REV1: variants seen among roughly 807,000 people sequenced by gnomAD.
The protein encoded by REV1 is REV1 DNA directed polymerase.
REV1 carries 42 observed loss-of-function variants against 137.4 expected under a neutral mutation model. The observed-to-expected ratio is 0.31, with a 90% CI of 0.24 to 0.40. The LOEUF (loss-of-function observed/expected upper bound fraction) is 0.40. Among genes scored for constraint, REV1 ranks in the 10% least tolerant of loss-of-function variants. The probability of loss-of-function intolerance (pLI) is 1.00; values close to 1 mark genes in which losing one functional copy is unlikely to be tolerated. For missense variants in REV1, 1,282 were observed against 1,490.1 expected (o/e 0.86, Z 2.30); for synonymous variants, 524 against 519.2 (o/e 1.01, Z -0.12).
At chr2:99,456,386 G>C (rs1277277590) in intron 3 of REV1, among the ~76,000 whole-genome samples, 1 of 152,174 alleles carries the variant, frequency 6.6e-6, no homozygotes, top group Admixed American at 6.5e-5. Context: ...CATTTTAGGT[G>C]CAAATAAATG....
chr2:99,431,748 A>T, intron 8 of REV1: 1 of 985,458 alleles, frequency 1.0e-6, no homozygotes, highest in Middle Eastern at 5.2e-4. Flanking sequence ...GACCTGTTCC[A>T]CAGTGCAGCA....
At chr2:99,452,152 C>T (rs1396405623) in intron 3 of REV1, among the ~76,000 whole-genome samples, 1 of 152,066 alleles carries the variant, frequency 6.6e-6, no homozygotes, top group Non-Finnish European at 1.5e-5. Context: ...GAGCCAAGCA[C>T]AGTGGCTCAC....
At chr2:99,403,603 G>A in intron 19 of REV1, 92 bp downstream of exon 19, 4 of 1,535,260 alleles carry the variant, frequency 2.6e-6, no homozygotes, top group Non-Finnish European at 3.6e-6. Context: ...CAACAGCTTA[G>A]ACTTTGCCCA....
chr2:99,450,285 T>A (rs112177512), intron 3 of REV1, among the ~76,000 whole-genome samples: 3 of 152,282 alleles, frequency 2.0e-5, no homozygotes, highest in African/African-American at 7.2e-5. Flanking sequence ...TGCTTCCCCC[T>A]AAGAAGAAAT....
At chr2:99,430,161 A>C (rs1445312258) in intron 8 of REV1, among the ~76,000 whole-genome samples, 5 of 152,120 alleles carry the variant, frequency 3.3e-5, no homozygotes, top group Non-Finnish European at 2.9e-5. Flanking sequence ...AAAACTTATA[A>C]TAAATTCAAA....
intron 2 of REV1, 166 bp from the exon 3 acceptor site, chr2:99,462,788 A>C: frequency 1.5e-6 from 1 of 673,012 alleles, no homozygotes; most frequent in Non-Finnish European, 2.4e-6. Context: ...CAAGGCAATA[A>C]ATAAAACAGG....
Position 99,484,702 on chromosome 2 carries a change from A to C in REV1, c.-11+5115T>G, listed in dbSNP as rs183466370. Among the ~76,000 whole-genome samples the C allele has an allele frequency of 2.5e-3, 387 of 152,228 alleles. 2 individuals carry two copies. The highest frequency in any genetic ancestry group is 8.5e-3 in the African/African-American group (353 of 41,508). On this transcript the variant is annotated intron_variant, in intron 1 of 22. Transcript: ENST00000258428. ...AGTAGTAGTTAAATCTAAAAAAAAAACAAAAAATTAGCCATAAATAATGAT... is the reference window on the plus strand; with the variant it reads ...AGTAGTAGTTAAATCTAAAAAAAAACCAAAAAATTAGCCATAAATAATGAT...
chr2:99,458,436 T>C (rs909957372), intron 3 of REV1, among the ~76,000 whole-genome samples: 2 of 152,206 alleles, frequency 1.3e-5, no homozygotes, highest in African/African-American at 2.4e-5. Flanking sequence ...AACCACTGAA[T>C]GCTGGCAAGG....
intron 19 of REV1, 99 bp downstream of exon 19, chr2:99,403,596 C>T: frequency 1.4e-6 from 2 of 1,472,866 alleles, no homozygotes; most frequent in Middle Eastern, 1.7e-4. Flanking sequence ...CTTAATGCAA[C>T]AGCTTAGACT....
chr2:99,458,175 T>C lies in REV1; in HGVS notation c.181+4321A>G, dbSNP rs999616720. On this transcript the variant is annotated intron_variant, in intron 3 of 22. Coordinates refer to ENST00000258428, the MANE Select transcript of REV1 (RefSeq NM_016316.4). The stretch of plus-strand genomic sequence containing the variant: ...TGAAAAACTACAGACTGGGAGAAAA[T>C]ACCTGCAAACCACTTTTATGACAAA... 3.3e-5 allele frequency among the ~76,000 whole-genome samples: 5 copies of C among 152,034 alleles called. No homozygotes were observed. The Middle Eastern group carries it at 9.5e-3, about 289-fold the overall frequency.
At chr2:99,476,328 C>T (rs894639099) in intron 1 of REV1, among the ~76,000 whole-genome samples, 1 of 151,992 alleles carries the variant, frequency 6.6e-6, no homozygotes, top group Non-Finnish European at 1.5e-5. Flanking sequence ...GAGGCTGAGG[C>T]GGGCAGATCA....
chr2:99,436,300 C>T (rs913678340), intron 6 of REV1, among the ~76,000 whole-genome samples: 1 of 152,144 alleles, frequency 6.6e-6, no homozygotes, highest in African/African-American at 2.4e-5. Context: ...ATAAAAGTGA[C>T]TACTATTATC....
At chr2:99,487,251 G>T (rs1687249782) in intron 1 of REV1, among the ~76,000 whole-genome samples, 1 of 125,280 alleles carries the variant, frequency 8.0e-6, no homozygotes, top group Admixed American at 9.6e-5. Flanking sequence ...GCCAAATCAT[G>T]CTATGCCCTG....
intron 13 of REV1, 145 bp from the exon 14 acceptor site, chr2:99,411,012 C>T (rs955923744): frequency 3.0e-6 from 2 of 671,400 alleles, no homozygotes; most frequent in Non-Finnish European, 4.6e-6. Context: ...CGTGGCCAGG[C>T]GCGGTGGCTC....
intron 12 of REV1, 93 bp downstream of exon 12, chr2:99,418,735 T>C: frequency 1.7e-6 from 2 of 1,210,860 alleles, no homozygotes; most frequent in Non-Finnish European, 2.3e-6. Context: ...TATTCATGTC[T>C]GGGCAAAAAG....
At chr2:99,403,285 CTCTT>C in intron 19 of REV1, 179 bp from the exon 20 acceptor site, 1 of 608,118 alleles carries the variant, frequency 1.6e-6, no homozygotes, top group Non-Finnish European at 2.8e-6. Context: ...CTCCAATTCT[CTCTT>C]TGCTTTGCCA....
intron 3 of REV1, among the ~76,000 whole-genome samples, chr2:99,457,687 GAA>G (rs371360329): frequency 3.5e-5 from 4 of 115,372 alleles, no homozygotes; most frequent in Non-Finnish European, 5.7e-5. Flanking sequence ...CCTGTCTCAA[GAA>G]AAAAAAAAAA....
Position 99,402,600 on chromosome 2 carries a change from G to A in REV1, c.3541+44C>T, listed in dbSNP as rs1055315684. On this transcript the variant is annotated intron_variant, in intron 21 of 22. Coordinates refer to ENST00000258428, the MANE Select transcript of REV1 (RefSeq NM_016316.4). The stretch of plus-strand genomic sequence containing the variant: ...TGTTTATGTTCTCAAATCATGAGAC[G>A]ACTACATCTCAGCCTTGGGCCATCT... 1.5e-5 allele frequency: 23 copies of A among 1,558,684 alleles called. No homozygotes were observed. In the African/African-American group the frequency reaches 1.6e-4, roughly 11 times the overall value.
chr2:99,459,873 GT>G (rs1186020162), intron 3 of REV1, among the ~76,000 whole-genome samples: 2 of 152,164 alleles, frequency 1.3e-5, no homozygotes. Context: ...GGGTTGGAAG[GT>G]ATAGGGACTA....
Sources: allele counts gnomAD v4.1 joint callset (sites outside exome capture counted in the v4.1 genomes callset), GRCh38; gene constraint gnomAD v4.1.1; transcripts MANE v1.5; gene names NCBI Gene and HGNC (gene_info 2026-07-23, HGNC 2026-07-21).